Variants in RUNDC3B observed in about 807,000 individuals in gnomAD.
RUNDC3B encodes the protein RUN domain-containing protein 3B.
Under a neutral mutation model 58.4 loss-of-function variants are expected in RUNDC3B, and 33 were observed. The ratio of observed to expected loss-of-function variants is 0.56; its 90% confidence interval spans 0.43 to 0.75. RUNDC3B has a LOEUF of 0.75. RUNDC3B is among the 30% of genes least tolerant of loss of function. The probability of loss-of-function intolerance (pLI) is 0.00; values close to 1 mark genes in which losing one functional copy is unlikely to be tolerated. For missense variants in RUNDC3B, 501 were observed against 535.7 expected (o/e 0.94, Z 0.64); for synonymous variants, 193 against 195.2 (o/e 0.99, Z 0.10).
intron 1 of RUNDC3B, among the ~76,000 whole-genome samples, chr7:87,647,144 A>G (rs773998566): frequency 4.5e-4 from 69 of 152,336 alleles, no homozygotes; most frequent in Non-Finnish European, 8.2e-4. Context: ...CTCGTTTCAT[A>G]GGAGAGTTAT....
At chr7:87,656,535 G>GA (rs1001510779) in intron 2 of RUNDC3B, among the ~76,000 whole-genome samples, 6 of 151,660 alleles carry the variant, frequency 4.0e-5, no homozygotes, top group Admixed American at 3.3e-4. Context: ...GGACACTTGA[G>GA]AAAAAATGAT....
rs543147261 is a variant in RUNDC3B at position 87,752,982 on chromosome 7, G to T, written c.629+11403G>T. On this transcript the variant is annotated intron_variant, in intron 6 of 10. Coordinates refer to ENST00000394654, the MANE Select transcript of RUNDC3B (RefSeq NM_001134405.2). ...ATTGTGATGTTAGGGTGTCAATTTT[G>T]GATCTTTCCTGCTTTCTCTTGTGGT... is the stretch of plus-strand genomic sequence containing the variant. Among the ~76,000 whole-genome samples, 473 of 151,482 alleles carry T rather than the reference G, an allele frequency of 3.1e-3. 6 individuals are homozygous for T. In the East Asian group the frequency reaches 0.049, roughly 16 times the overall value.
chr7:87,803,786 C>T (rs757638338), intron 8 of RUNDC3B, among the ~76,000 whole-genome samples: 17 of 151,928 alleles, frequency 1.1e-4, no homozygotes, highest in Non-Finnish European at 1.9e-4. Context: ...AAATGCTGTC[C>T]GTGAATATTT....
intron 3 of RUNDC3B, among the ~76,000 whole-genome samples, chr7:87,700,958 C>G (rs1453051792): frequency 2.0e-5 from 3 of 152,216 alleles, no homozygotes; most frequent in African/African-American, 2.4e-5. Context: ...CCACCATGCA[C>G]TCAGTATTTT....
chr7:87,681,672 A>G (rs576889758), intron 2 of RUNDC3B, among the ~76,000 whole-genome samples: 1 of 147,324 alleles, frequency 6.8e-6, no homozygotes. Flanking sequence ...CTGCTGACTG[A>G]TTGATGTGCT....
intron 2 of RUNDC3B, among the ~76,000 whole-genome samples, chr7:87,677,254 T>A (rs1308248112): frequency 7.1e-6 from 1 of 141,790 alleles, no homozygotes; most frequent in Non-Finnish European, 1.5e-5. Flanking sequence ...AAGGATGGAT[T>A]AATAAACTAC....
At chr7:87,704,963 C>T (rs895767954) in intron 3 of RUNDC3B, among the ~76,000 whole-genome samples, 7 of 152,176 alleles carry the variant, frequency 4.6e-5, no homozygotes, top group African/African-American at 1.4e-4. Flanking sequence ...TGCCTTGACA[C>T]ATGTGAAAAG....
chr7:87,675,191 C>T (rs189349053), intron 2 of RUNDC3B, among the ~76,000 whole-genome samples: 202 of 152,296 alleles, frequency 1.3e-3, no homozygotes, highest in African/African-American at 4.4e-3. Flanking sequence ...TTCCCGGCTT[C>T]CTCCCTCTTC....
At position 87,628,469 on chromosome 7, in the gene RUNDC3B, T is replaced by TCG. The variant is rs939084420; in HGVS notation, c.-345_-344dup. 9 of 182,592 alleles carry TCG rather than the reference T, an allele frequency of 4.9e-5. No homozygotes were observed. Among genetic ancestry groups the TCG allele is most frequent in the African/African-American group, 1.2e-4 (5 of 42,304 alleles). The allele number at this position is 182,592 out of a possible 1,614,324, so 11.3% of individuals were successfully genotyped here. A position where few individuals can be genotyped will look rare whatever the true frequency, so the allele number is the denominator to read the frequency against. On this transcript the variant is annotated 5_prime_UTR_variant, in exon 1 of 11. Transcript: ENST00000394654. ...GGTTGGGCGTGAGGGGCCGACGGGC[T>TCG]CGCGCGCGCGCCGTCTGCTGAGGTC...
intron 6 of RUNDC3B, among the ~76,000 whole-genome samples, chr7:87,745,877 T>C (rs147728790): frequency 6.6e-6 from 1 of 152,222 alleles, no homozygotes; most frequent in Non-Finnish European, 1.5e-5. Flanking sequence ...CTCTAGTGCC[T>C]TGAGGCATGA....
At chr7:87,651,637 T>A (rs992352522) in intron 2 of RUNDC3B, among the ~76,000 whole-genome samples, 3 of 152,156 alleles carry the variant, frequency 2.0e-5, no homozygotes, top group Non-Finnish European at 4.4e-5. Flanking sequence ...TTTTTTATTA[T>A]CTTTACAATC....
chr7:87,716,765 G>C (rs1830577990), intron 4 of RUNDC3B, among the ~76,000 whole-genome samples: 1 of 152,202 alleles, frequency 6.6e-6, no homozygotes, highest in Non-Finnish European at 1.5e-5. Context: ...TACATGATTA[G>C]TGTAGAAATT....
At chr7:87,629,786 C>T (rs770298872) in intron 1 of RUNDC3B, among the ~76,000 whole-genome samples, 4 of 151,732 alleles carry the variant, frequency 2.6e-5, no homozygotes, top group Non-Finnish European at 4.4e-5. Flanking sequence ...ATTAGCCGGG[C>T]GTGGTGGCGG....
chr7:87,751,969 G>C (rs1833025993), intron 6 of RUNDC3B, among the ~76,000 whole-genome samples: 1 of 152,164 alleles, frequency 6.6e-6, no homozygotes, highest in Non-Finnish European at 1.5e-5. Context: ...CAAAGGGAAT[G>C]CTTCCAGTTT....
chr7:87,648,423 A>G (rs946307342), intron 1 of RUNDC3B, among the ~76,000 whole-genome samples: 1 of 152,142 alleles, frequency 6.6e-6, no homozygotes, highest in Non-Finnish European at 1.5e-5. Context: ...AGTGACACTG[A>G]CAGAACACTT....
intron 2 of RUNDC3B, among the ~76,000 whole-genome samples, chr7:87,675,653 C>CA (rs200136132): frequency 0.043 from 2,807 of 65,220 alleles, 94 homozygotes; most frequent in African/African-American, 0.11. Flanking sequence ...TATTCACATG[C>CA]AAAAAAAAAA....
chr7:87,818,712 G>A (rs1371551077), intron 10 of RUNDC3B, among the ~76,000 whole-genome samples: 1 of 152,142 alleles, frequency 6.6e-6, no homozygotes, highest in African/African-American at 2.4e-5. Flanking sequence ...GAGCACAGGG[G>A]TGGAGGAAAA....
chr7:87,730,185 T>C (rs1337116962), intron 4 of RUNDC3B, among the ~76,000 whole-genome samples: 8 of 152,268 alleles, frequency 5.3e-5, no homozygotes, highest in Admixed American at 2.6e-4. Context: ...AGAGACTCCT[T>C]CTGGTTGAGA....
intron 1 of RUNDC3B, among the ~76,000 whole-genome samples, chr7:87,633,043 T>C (rs1413988389): frequency 6.6e-6 from 1 of 152,218 alleles, no homozygotes; most frequent in Non-Finnish European, 1.5e-5. Flanking sequence ...TGAATAGTCT[T>C]AGTTTTCTAT....
Sources: allele counts gnomAD v4.1 joint callset (sites outside exome capture counted in the v4.1 genomes callset), GRCh38; gene constraint gnomAD v4.1.1; transcripts MANE v1.5; gene names NCBI Gene and HGNC (gene_info 2026-07-23, HGNC 2026-07-21).